GPR3: variants seen among roughly 807,000 people sequenced by gnomAD.
GPR3 encodes the protein G protein-coupled receptor 3, also known as ACCA orphan receptor.
A neutral mutation model predicts 18.2 loss-of-function variants in GPR3; 16 were observed. The ratio of observed to expected loss-of-function variants is 0.88; its 90% CI spans 0.60 to 1.34. The LOEUF (loss-of-function observed/expected upper bound fraction) is 1.34. Ranked by LOEUF, GPR3 falls within the 40% of genes most tolerant of loss-of-function variation. The pLI, the probability that GPR3 is intolerant of heterozygous loss-of-function variation, is 0.00. For missense variants in GPR3, 326 were observed against 427.6 expected, an observed-to-expected ratio of 0.76 and a Z score of 2.10; for synonymous variants, 183 against 188.9, an observed-to-expected ratio of 0.97 and a Z score of 0.26.
rs1265179365 is a variant in GPR3 at position 27,394,229 on chromosome 1, A to G, written c.431A>G (p.Tyr144Cys). 2 of 1,613,576 alleles carry G rather than the reference A, an allele frequency of 1.2e-6. No homozygotes were observed. The highest frequency in any genetic ancestry group is 1.3e-5 in the African/African-American group (1 of 74,900). ...CTTTCTCTGTACAATGCCCTCACCT[A>G]CTATTCAGAGACAACAGTGACACGG... ...RYLSLYNALTYYSETTVTRTY... is the reference protein window; with the variant it reads ...RYLSLYNALTCYSETTVTRTY... Residue 144 changes from tyrosine (Y) to cysteine (C), a missense_variant, in exon 2 of 2, where the codon TAC (tyrosine) becomes TGC (cysteine). By Grantham distance (194) the Tyr-to-Cys change is radical (BLOSUM62 -2). Transcript: ENST00000374024.
At position 27,393,886 on chromosome 1, in the gene GPR3, C is replaced by A. The variant is rs2016513536; in HGVS notation, c.88C>A (p.Pro30Thr). The A allele has an allele frequency of 6.2e-7, 1 of 1,607,322 alleles. No homozygotes were observed. Among genetic ancestry groups the A allele is most frequent in the Non-Finnish European group, 8.5e-7 (1 of 1,176,598 alleles). Residue 30 changes from proline (P) to threonine (T), a missense_variant, in exon 2 of 2, where the codon CCC (proline) becomes ACC (threonine). By Grantham distance (38) the Pro-to-Thr change is conservative. Transcript: ENST00000374024. Reference sequence around the variant, plus strand: ...AAGCAGCGTGGGCCCAGCAGAGGGGCCCACAGGTCCAGCCGCACCACTGCC... The same window carrying A: ...AAGCAGCGTGGGCCCAGCAGAGGGGACCACAGGTCCAGCCGCACCACTGCC... ...NVSSVGPAEG[P>T]TGPAAPLPSP...
At chr1:27,393,102 C>T (rs2016504925) in intron 1 of GPR3, among the ~76,000 whole-genome samples, 1 of 151,910 alleles carries the variant, frequency 6.6e-6, no homozygotes, top group Non-Finnish European at 1.5e-5. Context: ...GCCCAAAATC[C>T]AGGTGTCCGG....
At position 27,393,795 on chromosome 1, in the gene GPR3, T is replaced by C; in HGVS notation, c.-4T>C. On this transcript the variant is annotated splice_region_variant and 5_prime_UTR_variant, in exon 2 of 2. Coordinates refer to ENST00000374024, the MANE Select transcript of GPR3 (RefSeq NM_005281.4). ...TCTCACAAGGCCTTTCTCCTGCAGGTACCATGATGTGGGGTGCAGGCAGCC... is the reference window on the plus strand; with the variant it reads ...TCTCACAAGGCCTTTCTCCTGCAGGCACCATGATGTGGGGTGCAGGCAGCC... The C allele has an allele frequency of 1.3e-6, 2 of 1,528,048 alleles. No individual in the cohort carries two copies. Among genetic ancestry groups the C allele is most frequent in the Non-Finnish European group, 1.8e-6 (2 of 1,136,946 alleles). The allele number at this position is 1,528,048 out of a possible 1,614,324, so 94.7% of individuals were successfully genotyped here.
At position 27,393,990 on chromosome 1, in the gene GPR3, C is replaced by T. The variant is rs2016515417; in HGVS notation, c.192C>T (p.Ile64=). The change falls in exon 2 of 2, where the codon ATC becomes ATT. Residue 64 remains isoleucine (I), a synonymous_variant. Coordinates refer to ENST00000374024, the MANE Select transcript of GPR3 (RefSeq NM_005281.4). ...VSCENALVVA[I]IVGTPAFRAP... is the part of the protein sequence containing the mutation. ...GCGAGAATGCGCTAGTGGTGGCCATCATCGTGGGCACTCCTGCCTTCCGTG... is the reference window on the plus strand; with the variant it reads ...GCGAGAATGCGCTAGTGGTGGCCATTATCGTGGGCACTCCTGCCTTCCGTG... 8.1e-6 allele frequency: 13 copies of T among 1,611,670 alleles called. No individual in the cohort carries two copies. The highest frequency in any genetic ancestry group is 1.3e-5 in the African/African-American group (1 of 74,930).
Position 27,393,915 on chromosome 1 carries a change from G to T in GPR3, c.117G>T (p.Ser39=). 6.2e-7 allele frequency: 1 copy of T among 1,610,744 alleles called. No individual in the cohort carries two copies. Residue 39 remains serine, a synonymous_variant, in exon 2 of 2, where the codon TCG becomes TCT. Transcript: ENST00000374024. The stretch of plus-strand genomic sequence containing the variant: ...CAGGTCCAGCCGCACCACTGCCCTC[G>T]CCTAAGGCCTGGGATGTGGTGCTCT... ...GPTGPAAPLP[S]PKAWDVVLCI...
chr1:27,393,921 G>C lies in GPR3; in HGVS notation c.123G>C (p.Lys41Asn), dbSNP rs2016514087. 2 of 1,611,076 alleles carry C rather than the reference G, an allele frequency of 1.2e-6. No individual in the cohort carries two copies. The highest frequency in any genetic ancestry group is 2.7e-5 in the African/African-American group (2 of 74,930). ...CAGCCGCACCACTGCCCTCGCCTAA[G>C]GCCTGGGATGTGGTGCTCTGCATCT... The part of the protein sequence containing the change: ...TGPAAPLPSP[K>N]AWDVVLCISG... Residue 41 changes from lysine (K) to asparagine (N), a missense_variant, in exon 2 of 2, where the codon AAG (lysine) becomes AAC (asparagine). By Grantham distance (94) the Lys-to-Asn change is moderately conservative. Transcript: ENST00000374024.
rs149402253 is a variant in GPR3 at position 27,394,548 on chromosome 1, C to T, written c.750C>T (p.Ala250=). 3.2e-4 allele frequency: 519 copies of T among 1,614,054 alleles called. 7 individuals carry two copies. The highest frequency in any genetic ancestry group is 3.3e-4 in the Non-Finnish European group (391 of 1,180,038). The change falls in exon 2 of 2, where the codon GCC becomes GCT. Residue 250 remains alanine (A), a synonymous_variant. Transcript: ENST00000374024. The part of the protein sequence containing the change: ...VATRKGIATL[A]VVLGAFAACW... Reference sequence around the variant, plus strand: ...CCCGCAAGGGCATTGCCACACTGGCCGTGGTGCTTGGAGCCTTTGCCGCCT... The same window carrying T: ...CCCGCAAGGGCATTGCCACACTGGCTGTGGTGCTTGGAGCCTTTGCCGCCT...
Position 27,395,199 on chromosome 1 carries a change from T to C in GPR3, c.*408T>C, listed in dbSNP as rs1254479799. The stretch of plus-strand genomic sequence containing the variant: ...AAATAGGAGAGAGAAAGATTATATA[T>C]GCACATATACAAAGACAGTGTCTAT... On this transcript the variant is annotated 3_prime_UTR_variant, in exon 2 of 2. Transcript: ENST00000374024. 1.9e-5 allele frequency: 4 copies of C among 210,012 alleles called. No homozygotes were observed. Among genetic ancestry groups the C allele is most frequent in the East Asian group, 2.6e-4 (2 of 7,706 alleles). The allele number at this position is 210,012 out of a possible 1,614,324, so 13.0% of individuals were successfully genotyped here. A position where few individuals can be genotyped will look rare whatever the true frequency, so the allele number is the denominator to read the frequency against.
intron 1 of GPR3, 121 bp from the exon 2 acceptor site, chr1:27,393,673 C>A: frequency 1.2e-6 from 1 of 823,372 alleles, no homozygotes; most frequent in East Asian, 2.5e-5. Context: ...GGCATTGGGA[C>A]CCTATCAGGT....
rs150824796 is a variant in GPR3 at position 27,394,048 on chromosome 1, G to A, written c.250G>A (p.Val84Met). 3.0e-5 allele frequency: 48 copies of A among 1,611,062 alleles called. 1 individual carries two copies. Among genetic ancestry groups the A allele is most frequent in the African/African-American group, 9.3e-5 (7 of 74,932 alleles). Residue 84 changes from valine to methionine, a missense_variant, in exon 2 of 2, where the codon GTG (valine) becomes ATG (methionine). Coordinates refer to ENST00000374024, the MANE Select transcript of GPR3 (RefSeq NM_005281.4). Reference sequence around the variant, plus strand: ...GTTCCTGCTGGTGGGCAGCCTGGCCGTGGCAGACCTGCTGGCAGGCCTGGG... The same window carrying A: ...GTTCCTGCTGGTGGGCAGCCTGGCCATGGCAGACCTGCTGGCAGGCCTGGG... ...PMFLLVGSLA[V>M]ADLLAGLGLV...
rs768744074 is a variant in GPR3, at chr1:27,394,988, G to A, written c.*197G>A. ...GGCTCCACGGTTCCAGAATGTTCAG[G>A]TGGTCAGTGTTCTACTCAGAAATGT... is the stretch of plus-strand genomic sequence containing the variant. On this transcript the variant is annotated 3_prime_UTR_variant, in exon 2 of 2. Transcript: ENST00000374024. The A allele has an allele frequency of 2.0e-5, 12 of 609,154 alleles. No homozygotes were observed. The highest frequency in any genetic ancestry group is 6.3e-5 in the Admixed American group (2 of 31,802). 37.7% of individuals were successfully genotyped at this position (609,154 alleles called of 1,614,324 possible).
chr1:27,394,113 A>G lies in GPR3; in HGVS notation c.315A>G (p.Ser105=), dbSNP rs748924165. Residue 105 remains serine (S), a synonymous_variant, in exon 2 of 2, where the codon TCA becomes TCG. Transcript: ENST00000374024. ...LHFAAVFCIG[S]AEMSLVLVGV... is the part of the protein sequence containing the mutation. ...TTGCTGCTGTCTTCTGCATCGGCTC[A>G]GCGGAGATGAGCCTGGTGCTGGTTG... The G allele has an allele frequency of 3.1e-6, 5 of 1,612,166 alleles. No individual in the cohort carries two copies. In the South Asian group the frequency reaches 5.5e-5, roughly 18 times the overall value.
In GPR3 at chr1:27,394,368, C is replaced by G. The variant is rs553507369; in HGVS notation, c.570C>G (p.Leu190=). The part of the protein sequence containing the change: ...GLTTCGVVYP[L]SKNHLVVLAI... ...CCACATGTGGCGTGGTTTATCCACT[C>G]TCCAAGAACCATCTGGTAGTTCTGG... is the stretch of plus-strand genomic sequence containing the variant. Residue 190 remains leucine (L), a synonymous_variant, in exon 2 of 2, where the codon CTC becomes CTG. Coordinates refer to ENST00000374024, the MANE Select transcript of GPR3 (RefSeq NM_005281.4). 3.1e-6 allele frequency: 5 copies of G among 1,614,102 alleles called. No individual in the cohort carries two copies. The highest frequency in any genetic ancestry group is 1.6e-4 in the Middle Eastern group (1 of 6,062).
chr1:27,393,730 C>T, intron 1 of GPR3, 64 bp from the exon 2 acceptor site: 1 of 1,393,382 alleles, frequency 7.2e-7, no homozygotes, highest in Non-Finnish European at 9.8e-7. Context: ...GCACCTCACC[C>T]CCTCCAGACC....
At chr1:27,393,743 A>G (rs2148085272) in intron 1 of GPR3, 51 bp from the exon 2 acceptor site, 4 of 1,492,630 alleles carry the variant, frequency 2.7e-6, no homozygotes, top group South Asian at 1.3e-5. Context: ...TCCAGACCCC[A>G]ACTCCCATCA....
chr1:27,394,365 A>T lies in GPR3; in HGVS notation c.567A>T (p.Pro189=). Residue 189 remains proline (P), a synonymous_variant, in exon 2 of 2, where the codon CCA becomes CCT. Coordinates refer to ENST00000374024, the MANE Select transcript of GPR3 (RefSeq NM_005281.4). ...TGACCACATGTGGCGTGGTTTATCCACTCTCCAAGAACCATCTGGTAGTTC... is the reference window on the plus strand; with the variant it reads ...TGACCACATGTGGCGTGGTTTATCCTCTCTCCAAGAACCATCTGGTAGTTC... ...DGLTTCGVVY[P]LSKNHLVVLA... is the part of the protein sequence containing the mutation. 2 of 1,613,722 alleles carry T rather than the reference A, an allele frequency of 1.2e-6. No individual in the cohort carries two copies. The highest frequency in any genetic ancestry group is 2.2e-5 in the East Asian group (1 of 44,868).
rs1208768699 is a variant in GPR3, at chr1:27,393,779, G to A, written c.-5-15G>A. On this transcript the variant is annotated splice_polypyrimidine_tract_variant and intron_variant, in intron 1 of 1. Transcript: ENST00000374024. ...CCCAGCTTGGTCAGCTTCTCACAAG[G>A]CCTTTCTCCTGCAGGTACCATGATG... The A allele has an allele frequency of 6.6e-7, 1 of 1,520,130 alleles. No individual in the cohort carries two copies. The highest frequency in any genetic ancestry group is 8.8e-7 in the Non-Finnish European group (1 of 1,134,196). The allele number at this position is 1,520,130 out of a possible 1,614,324, so 94.2% of individuals were successfully genotyped here.
Position 27,393,994 on chromosome 1 carries a change from G to A in GPR3, c.196G>A (p.Val66Met), listed in dbSNP as rs149456951. The change falls in exon 2 of 2, where the codon GTG becomes ATG. Residue 66 changes from valine (V) to methionine (M), a missense_variant. Transcript: ENST00000374024. Reference sequence around the variant, plus strand: ...GAATGCGCTAGTGGTGGCCATCATCGTGGGCACTCCTGCCTTCCGTGCCCC... The same window carrying A: ...GAATGCGCTAGTGGTGGCCATCATCATGGGCACTCCTGCCTTCCGTGCCCC... ...CENALVVAII[V>M]GTPAFRAPMF... The A allele has an allele frequency of 2.4e-5, 38 of 1,611,598 alleles. No individual in the cohort carries two copies. Among genetic ancestry groups the A allele is most frequent in the African/African-American group, 2.3e-4 (17 of 74,916 alleles).
chr1:27,394,677 C>A lies in GPR3; in HGVS notation c.879C>A (p.Asn293Lys). 1 of 1,614,216 alleles carries A rather than the reference C, an allele frequency of 6.2e-7. No homozygotes were observed. The highest frequency in any genetic ancestry group is 1.6e-4 in the Middle Eastern group (1 of 6,062). ...CTGCCACCTACAACTCCATGATCAACCCTATCATCTACGCCTTCCGCAACC... is the reference window on the plus strand; with the variant it reads ...CTGCCACCTACAACTCCATGATCAAACCTATCATCTACGCCTTCCGCAACC... ...LLPATYNSMI[N>K]PIIYAFRNQD... The change falls in exon 2 of 2, where the codon AAC (asparagine) becomes AAA (lysine). Residue 293 changes from asparagine (N) to lysine (K), a missense_variant. Asn to Lys is a moderately conservative substitution (Grantham distance 94, BLOSUM62 0). Transcript: ENST00000374024.
Sources: gnomAD v4.1 joint callset for allele counts (sites outside exome capture counted in the v4.1 genomes callset) on GRCh38, gnomAD v4.1.1 for gene constraint, MANE v1.5 for transcripts, NCBI Gene and HGNC (gene_info 2026-07-23, HGNC 2026-07-21) for gene names.